The following HEMK2 variants were observed in gnomAD, a reference collection of about 807,000 sequenced individuals.
The protein encoded by HEMK2 is HemK methyltransferase 2, ETF1 glutamine and histone H4 lysine, also known as methyltransferase HEMK2.
At chr21:28,783,852 G>A in the HEMK2 span, among the ~76,000 whole-genome samples, 21 of 152,322 alleles carry the variant, frequency 1.4e-4, no homozygotes, top group Admixed American at 1.3e-4. Flanking sequence ...CACTCGGAGC[G>A]GCCGGCCGGC....
chr21:28,872,903 T>C, the HEMK2 span: 1 of 152,228 alleles, frequency 6.6e-6, no homozygotes, highest in Admixed American at 6.5e-5. Context: ...GTCCCCCAGT[T>C]CAAATGCAAA....
chr21:28,881,910 T>C, the HEMK2 span, among the ~76,000 whole-genome samples: 1 of 152,218 alleles, frequency 6.6e-6, no homozygotes, highest in Admixed American at 6.5e-5. Flanking sequence ...AGTACTGGGA[T>C]TAAAGGCGTG....
chr21:28,614,765 C>T, the HEMK2 span, among the ~76,000 whole-genome samples: 2 of 152,156 alleles, frequency 1.3e-5, no homozygotes, highest in Non-Finnish European at 2.9e-5. Flanking sequence ...GTAGCACAAA[C>T]GCCTCCACAT....
the HEMK2 span, among the ~76,000 whole-genome samples, chr21:28,787,520 A>C: frequency 6.6e-6 from 1 of 152,228 alleles, no homozygotes; most frequent in Non-Finnish European, 1.5e-5. Flanking sequence ...CAGTAAAAAA[A>C]AAGAACAATC....
At chr21:28,741,610 C>A in the HEMK2 span, among the ~76,000 whole-genome samples, 2 of 152,128 alleles carry the variant, frequency 1.3e-5, no homozygotes, top group African/African-American at 4.8e-5. Context: ...TCTCTGCGTT[C>A]TCATCATTTA....
At chr21:28,832,504 T>C in the HEMK2 span, among the ~76,000 whole-genome samples, 1 of 152,220 alleles carries the variant, frequency 6.6e-6, no homozygotes, top group African/African-American at 2.4e-5. Flanking sequence ...AGTAGTAAAC[T>C]AACAAATGAA....
chr21:28,677,225 A>G, the HEMK2 span, among the ~76,000 whole-genome samples: 9 of 152,364 alleles, frequency 5.9e-5, no homozygotes, highest in South Asian at 1.9e-3. Flanking sequence ...CAACAGTCTT[A>G]GCAAACGGCA....
At chr21:28,882,458 TAGA>T in the HEMK2 span, among the ~76,000 whole-genome samples, 3 of 152,160 alleles carry the variant, frequency 2.0e-5, no homozygotes, top group East Asian at 5.8e-4. Context: ...TGTCCAAGAG[TAGA>T]AGAATACACA....
chr21:28,739,522 C>T, the HEMK2 span, among the ~76,000 whole-genome samples: 1 of 152,018 alleles, frequency 6.6e-6, no homozygotes, highest in African/African-American at 2.4e-5. Context: ...GGCATTTTTC[C>T]CTAAACTTCA....
the HEMK2 span, among the ~76,000 whole-genome samples, chr21:28,812,609 G>C: frequency 4.6e-5 from 7 of 152,170 alleles, no homozygotes; most frequent in South Asian, 1.0e-3. Flanking sequence ...TGTTTTGGTT[G>C]TGTCTCTGCC....
At chr21:28,831,652 AAAG>A in the HEMK2 span, among the ~76,000 whole-genome samples, 42 of 33,694 alleles carry the variant, frequency 1.2e-3, 1 homozygote, top group East Asian at 3.1e-3. Flanking sequence ...AGAAAGAAAG[AAAG>A]AAAGAAAGAA....
the HEMK2 span, among the ~76,000 whole-genome samples, chr21:28,613,896 C>A: frequency 6.6e-6 from 1 of 151,944 alleles, no homozygotes; most frequent in East Asian, 1.9e-4. Flanking sequence ...TGTAAAGCAT[C>A]ATTATAAAAG....
the HEMK2 span, among the ~76,000 whole-genome samples, chr21:28,662,676 A>C: frequency 6.6e-6 from 1 of 152,004 alleles, no homozygotes; most frequent in African/African-American, 2.4e-5. Flanking sequence ...AGATCTGATG[A>C]TTTTATAAGG....
chr21:28,642,229 C>T, the HEMK2 span, among the ~76,000 whole-genome samples: 1 of 152,090 alleles, frequency 6.6e-6, no homozygotes, highest in Non-Finnish European at 1.5e-5. Context: ...GCATGTGTTC[C>T]CCCAAAATTG....
the HEMK2 span, among the ~76,000 whole-genome samples, chr21:28,577,002 C>T: frequency 3.9e-5 from 6 of 152,314 alleles, no homozygotes; most frequent in East Asian, 9.6e-4. Flanking sequence ...TGAGCCACTG[C>T]GCCCAGCCCT....
the HEMK2 span, among the ~76,000 whole-genome samples, chr21:28,764,621 A>G: frequency 6.6e-6 from 1 of 152,130 alleles, no homozygotes; most frequent in Admixed American, 6.5e-5. Flanking sequence ...TCTTCAGGAG[A>G]GAATAGCGAG....
the HEMK2 span, among the ~76,000 whole-genome samples, chr21:28,679,465 C>T: frequency 6.6e-6 from 1 of 152,058 alleles, no homozygotes; most frequent in Admixed American, 6.5e-5. Flanking sequence ...ACTTTAACAC[C>T]CCACTGTCAA....
chr21:28,580,081 A>C, the HEMK2 span, among the ~76,000 whole-genome samples: 27 of 152,178 alleles, frequency 1.8e-4, no homozygotes, highest in Non-Finnish European at 2.6e-4. Flanking sequence ...TTCTTGTCAA[A>C]AGTGAACACC....
chr21:28,612,670 A>T, the HEMK2 span, among the ~76,000 whole-genome samples: 1 of 152,164 alleles, frequency 6.6e-6, no homozygotes, highest in African/African-American at 2.4e-5. Flanking sequence ...ATGACTGTTT[A>T]CCTACAAACC....
Sources: allele counts gnomAD v4.1 joint callset (sites outside exome capture counted in the v4.1 genomes callset), GRCh38; gene constraint gnomAD v4.1.1; transcripts MANE v1.5; gene names NCBI Gene and HGNC (gene_info 2026-07-23, HGNC 2026-07-21).